OSGEP: variants seen among roughly 807,000 people sequenced by gnomAD.
OSGEP encodes O-sialoglycoprotein endopeptidase, also known as tRNA N6-adenosine threonylcarbamoyltransferase.
A neutral mutation model predicts 44.1 loss-of-function variants in OSGEP; 39 were observed. The ratio of observed to expected loss-of-function variants is 0.88; its 90% confidence interval spans 0.69 to 1.16. The LOEUF is 1.16. Ranked by LOEUF, OSGEP falls within the 50% of genes most tolerant of loss-of-function variation. The pLI is 0.00. For synonymous variants in OSGEP, 139 were observed against 161.9 expected, an observed-to-expected ratio of 0.86 and a Z score of 1.07; for missense variants, 403 against 443.1, an observed-to-expected ratio of 0.91 and a Z score of 0.81.
In OSGEP at chr14:20,448,810, C is replaced by T. The variant is rs752672303; in HGVS notation, c.559G>A (p.Gly187Ser). 62 of 1,611,734 alleles carry T rather than the reference C, an allele frequency of 3.8e-5. No homozygotes were observed. The South Asian group carries it at 6.7e-4, about 17-fold the overall frequency. Residue 187 changes from glycine to serine, a missense_variant and splice_region_variant, in exon 6 of 11, where the codon GGC (glycine) becomes AGC (serine). By Grantham distance (56) the Gly-to-Ser change is moderately conservative. Coordinates refer to ENST00000206542, the MANE Select transcript of OSGEP (RefSeq NM_017807.4). ...TATGGCAGCTCAACTAGCTTCTTGC[C>T]TCTATGTGGGAATAAGCGTACGAGG... Reference protein sequence around the residue: ...GYNIEQMAKRGKKLVELPYTV... With the variant: ...GYNIEQMAKRSKKLVELPYTV...
Position 20,452,165 on chromosome 14 carries a change from T to G in OSGEP, c.236-16A>C. 1 of 1,597,916 alleles carries G rather than the reference T, an allele frequency of 6.3e-7. No individual in the cohort carries two copies. The highest frequency in any genetic ancestry group is 1.4e-5 in the African/African-American group (1 of 73,810). On this transcript the variant is annotated splice_polypyrimidine_tract_variant and intron_variant, in intron 2 of 10. Transcript: ENST00000206542. ...ATGCCAGGGCCTAGGGAGATAGAAA[T>G]GGAAGTTATAATCCTAGAGATTGGA...
At chr14:20,450,006 A>G (rs1270116495) in intron 3 of OSGEP, 1 of 151,686 alleles carries the variant, frequency 6.6e-6, no homozygotes, top group Non-Finnish European at 1.5e-5. Flanking sequence ...GGCCCAGCCA[A>G]GTCAGCAATG....
At position 20,447,296 on chromosome 14, in the gene OSGEP, G is replaced by T; in HGVS notation, c.969-17C>A. On this transcript the variant is annotated splice_polypyrimidine_tract_variant and intron_variant, in intron 10 of 10. Transcript: ENST00000206542. ...GTCCGATACCTGTGGAAAAACAGAA[G>T]AAACATGGTGGAGAGCGAGCCCTTA... 6.2e-7 allele frequency: 1 copy of T among 1,614,070 alleles called. No individual in the cohort carries two copies. Among genetic ancestry groups the T allele is most frequent in the East Asian group, 2.2e-5 (1 of 44,882 alleles).
chr14:20,447,953 G>T lies in OSGEP; in HGVS notation c.744C>A (p.Ala248=). Residue 248 remains alanine, a synonymous_variant, in exon 8 of 11, where the codon GCC becomes GCA. Transcript: ENST00000206542. ...CCTCCTGGGAGCCACAATGTGCCAT[G>T]GCTCGCTCTGTGATCTCTACCAGCA... ...FAMLVEITER[A]MAHCGSQEAL... 6.2e-7 allele frequency: 1 copy of T among 1,614,118 alleles called. No homozygotes were observed. Among genetic ancestry groups the T allele is most frequent in the Non-Finnish European group, 8.5e-7 (1 of 1,179,936 alleles).
chr14:20,451,879 T>C lies in OSGEP; in HGVS notation c.411+95A>G, dbSNP rs555638696. ...ATTTTAGGTTCAGATAAGTCCATCT[T>C]TGTTCCTGACATTCCCATGACTCAG... On this transcript the variant is annotated intron_variant, in intron 3 of 10. Coordinates refer to ENST00000206542, the MANE Select transcript of OSGEP (RefSeq NM_017807.4). The C allele has an allele frequency of 9.3e-6, 11 of 1,177,704 alleles. No homozygotes were observed. In the African/African-American group the frequency reaches 1.5e-4, roughly 17 times the overall value. The allele number at this position is 1,177,704 out of a possible 1,614,324, so 73.0% of individuals were successfully genotyped here. A position where few individuals can be genotyped will look rare whatever the true frequency, so the allele number is the denominator to read the frequency against.
chr14:20,452,450 T>C lies in OSGEP; in HGVS notation c.116-2A>G. The C allele has an allele frequency of 6.2e-7, 1 of 1,613,348 alleles. No homozygotes were observed. Among genetic ancestry groups the C allele is most frequent in the Non-Finnish European group, 8.5e-7 (1 of 1,179,604 alleles). ...TGGCTGTATCACCTGGAAGGAATCC[T>C]AGAAAATGAACATAGGTCAGAGATC... On this transcript the variant is annotated splice_acceptor_variant, in intron 1 of 10. Transcript: ENST00000206542. LOFTEE classifies it high-confidence loss of function.
chr14:20,446,793 A>C lies in OSGEP; in HGVS notation c.*447T>G, dbSNP rs1880954940. ...TTAAATGAGAGAATGAATGTAAAGCAGTTAGCACGGGACCCGATGCTATAA... is the reference window on the plus strand; with the variant it reads ...TTAAATGAGAGAATGAATGTAAAGCCGTTAGCACGGGACCCGATGCTATAA... On this transcript the variant is annotated 3_prime_UTR_variant, in exon 11 of 11. Transcript: ENST00000206542. 6.1e-6 allele frequency: 1 copy of C among 164,862 alleles called. No individual in the cohort carries two copies. The highest frequency in any genetic ancestry group is 1.3e-5 in the Non-Finnish European group (1 of 75,994). 10.2% of individuals were successfully genotyped at this position (164,862 alleles called of 1,614,324 possible).
At position 20,447,928 on chromosome 14, in the gene OSGEP, C is replaced by A; in HGVS notation, c.769G>T (p.Ala257Ser). ...RAMAHCGSQE[A>S]LIVGGVGCNV... is the part of the protein sequence containing the mutation. ...CACCCCACTCCTCCCACAATGAGGG[C>A]CTCCTGGGAGCCACAATGTGCCATG... Residue 257 changes from alanine (A) to serine (S), a missense_variant, in exon 8 of 11, where the codon GCC (alanine) becomes TCC (serine). Physicochemically the swap from Ala to Ser is moderately conservative, Grantham distance 99. Coordinates refer to ENST00000206542, the MANE Select transcript of OSGEP (RefSeq NM_017807.4). The A allele has an allele frequency of 6.2e-7, 1 of 1,612,860 alleles. No homozygotes were observed. The highest frequency in any genetic ancestry group is 1.7e-5 in the Admixed American group (1 of 60,024).
At chr14:20,451,340 C>T in intron 3 of OSGEP, 1 of 288,844 alleles carries the variant, frequency 3.5e-6, no homozygotes, top group Non-Finnish European at 6.7e-6. Flanking sequence ...GAGTTTTGCT[C>T]TTGTTGCCCA....
At chr14:20,453,467 C>T (rs561194599) in intron 1 of OSGEP, among the ~76,000 whole-genome samples, 26 of 151,902 alleles carry the variant, frequency 1.7e-4, no homozygotes, top group Non-Finnish European at 2.5e-4. Flanking sequence ...CCCGGGTTCA[C>T]GCAATTCTCC....
chr14:20,452,151 T>C lies in OSGEP; in HGVS notation c.236-2A>G. 6.2e-7 allele frequency: 1 copy of C among 1,604,084 alleles called. No individual in the cohort carries two copies. On this transcript the variant is annotated splice_acceptor_variant, in intron 2 of 10. Coordinates refer to ENST00000206542, the MANE Select transcript of OSGEP (RefSeq NM_017807.4). LOFTEE classifies it high-confidence loss of function. ...CCAGTGGGGCACCCATGCCAGGGCC[T>C]AGGGAGATAGAAATGGAAGTTATAA... is the stretch of plus-strand genomic sequence containing the variant.
rs1881115923 is a variant in OSGEP, at chr14:20,452,083, T to G, written c.302A>C (p.Asn101Thr). 1.1e-5 allele frequency: 18 copies of G among 1,613,970 alleles called. No individual in the cohort carries two copies. The highest frequency in any genetic ancestry group is 1.5e-5 in the Non-Finnish European group (18 of 1,179,998). The change falls in exon 3 of 11, where the codon AAT becomes ACT. Residue 101 changes from asparagine (N) to threonine (T), a missense_variant. Coordinates refer to ENST00000206542, the MANE Select transcript of OSGEP (RefSeq NM_017807.4). ...VVARTVAQLW[N>T]KPLVGVNHCI... is the part of the protein sequence containing the mutation. ...GTGGTTCACACCCACCAATGGCTTATTCCACAGTTGGGCCACAGTACGGGC... is the reference window on the plus strand; with the variant it reads ...GTGGTTCACACCCACCAATGGCTTAGTCCACAGTTGGGCCACAGTACGGGC...
intron 3 of OSGEP, chr14:20,450,905 G>C (rs1431109715): frequency 3.3e-5 from 5 of 152,160 alleles, no homozygotes; most frequent in African/African-American, 4.8e-5. Context: ...CTGAGGTCAG[G>C]AGTTCAAGAC....
intron 3 of OSGEP, chr14:20,449,987 C>T (rs912345876): frequency 6.6e-6 from 1 of 151,800 alleles, no homozygotes; most frequent in African/African-American, 2.4e-5. Context: ...CATATGGAGT[C>T]AGACTAATGG....
chr14:20,447,193 T>G lies in OSGEP; in HGVS notation c.*47A>C. 1.3e-6 allele frequency: 2 copies of G among 1,557,806 alleles called. No homozygotes were observed. Among genetic ancestry groups the G allele is most frequent in the Non-Finnish European group, 1.8e-6 (2 of 1,128,728 alleles). ...GGATAGAGATTGAGGCACGGGGTCC[T>G]TTGGGTTCCGATTAAGGAACTATCT... On this transcript the variant is annotated 3_prime_UTR_variant, in exon 11 of 11. Transcript: ENST00000206542.
In OSGEP at chr14:20,449,013, T is replaced by C. The variant is rs988668739; in HGVS notation, c.508A>G (p.Ile170Val). Reference protein sequence around the residue: ...CLDRFARVLKISNDPSPGYNI... With the variant: ...CLDRFARVLKVSNDPSPGYNI... Reference sequence around the variant, plus strand: ...TATCCTGGACTTGGGTCGTTAGAAATCTAGCAGAAGAAAAAAATAAGGAAG... The same window carrying C: ...TATCCTGGACTTGGGTCGTTAGAAACCTAGCAGAAGAAAAAAATAAGGAAG... The change falls in exon 5 of 11, where the codon ATT becomes GTT. Residue 170 changes from isoleucine (I) to valine (V), a missense_variant and splice_region_variant. Coordinates refer to ENST00000206542, the MANE Select transcript of OSGEP (RefSeq NM_017807.4). 10 of 1,613,428 alleles carry C rather than the reference T, an allele frequency of 6.2e-6. No individual in the cohort carries two copies. The highest frequency in any genetic ancestry group is 8.5e-6 in the Non-Finnish European group (10 of 1,179,426).
chr14:20,447,750 G>C, intron 8 of OSGEP, 60 bp from the exon 9 acceptor site: 1 of 1,403,554 alleles, frequency 7.1e-7, no homozygotes, highest in South Asian at 1.2e-5. Context: ...TGGTCCAGCA[G>C]AACACGTCAT....
At chr14:20,453,486 C>T (rs36219435) in intron 1 of OSGEP, among the ~76,000 whole-genome samples, 2,780 of 152,156 alleles carry the variant, frequency 0.018, 81 homozygotes, top group African/African-American at 0.064. Context: ...CCTGCCTCAG[C>T]CTCCCAAGTA....
intron 1 of OSGEP, among the ~76,000 whole-genome samples, chr14:20,452,996 C>T (rs1341612243): frequency 1.3e-5 from 2 of 152,190 alleles, no homozygotes; most frequent in African/African-American, 4.8e-5. Context: ...GCCTGAGCCA[C>T]CGTGCCTGGC....
Sources: allele counts gnomAD v4.1 joint callset (sites outside exome capture counted in the v4.1 genomes callset), GRCh38; gene constraint gnomAD v4.1.1; transcripts MANE v1.5; gene names NCBI Gene and HGNC (gene_info 2026-07-23, HGNC 2026-07-21).